The following ABCC12 variants were observed in gnomAD, a reference collection of about 807,000 sequenced individuals.
ABCC12 encodes ATP binding cassette subfamily C member 12, also known as ATP-binding cassette sub-family C member 12.
In ABCC12, 142 loss-of-function variants were observed where a neutral mutation model predicts 151.1. The observed-to-expected ratio is 0.94, with a 90% CI of 0.82 to 1.08. The LOEUF is 1.08. ABCC12 is among the 50% of genes least tolerant of loss of function. ABCC12 has a pLI of 0.00. For missense variants in ABCC12, 1,638 were observed against 1,691.1 expected, an observed-to-expected ratio of 0.97 and a Z score of 0.55; for synonymous variants, 645 against 646.4, an observed-to-expected ratio of 1.00 and a Z score of 0.03.
intron 23 of ABCC12, among the ~76,000 whole-genome samples, chr16:48,099,483 T>G (rs760124675): frequency 6.6e-6 from 1 of 152,214 alleles, no homozygotes; most frequent in Admixed American, 6.5e-5. Flanking sequence ...CATCTAATTC[T>G]TTCTCTCTGA....
rs563012851 is a variant in ABCC12 at position 48,092,248 on chromosome 16, C to A, written c.3196-1039G>T. ...CACAAACAAACATAGGCGGTGAACC[C>A]AGATTGTACCAGGAGGGGATGGAGG... is the stretch of plus-strand genomic sequence containing the variant. On this transcript the variant is annotated intron_variant, in intron 24 of 30. Transcript: ENST00000311303. Among the ~76,000 whole-genome samples the A allele has an allele frequency of 2.0e-5, 3 of 152,332 alleles. No homozygotes were observed. The East Asian group carries it at 5.8e-4, about 29-fold the overall frequency.
At chr16:48,111,282 T>C (rs1050566736) in intron 18 of ABCC12, among the ~76,000 whole-genome samples, 154 bp downstream of exon 18, 6 of 152,140 alleles carry the variant, frequency 3.9e-5, no homozygotes, top group African/African-American at 1.4e-4. Flanking sequence ...AATTTGGACT[T>C]AGGCAGTGGA....
Position 48,082,288 on chromosome 16 carries a change from C to G in ABCC12, c.*1427G>C, listed in dbSNP as rs1962373532. ...GCCAGGTTATAAGCTCTACCTAAGG[C>G]CAGGTGTGCTCACCTCCCCGCTGGT... is the stretch of plus-strand genomic sequence containing the variant. On this transcript the variant is annotated 3_prime_UTR_variant, in exon 31 of 31. Transcript: ENST00000311303. Among the ~76,000 whole-genome samples the G allele has an allele frequency of 6.6e-6, 1 of 152,220 alleles. No individual in the cohort carries two copies. Among genetic ancestry groups the G allele is most frequent in the Non-Finnish European group, 1.5e-5 (1 of 68,042 alleles).
At chr16:48,146,225 G>T in intron 3 of ABCC12, 81 bp downstream of exon 3, 3 of 1,233,044 alleles carry the variant, frequency 2.4e-6, no homozygotes, top group African/African-American at 1.5e-5. Flanking sequence ...CAGATGGGTT[G>T]CAGGAGCAGT....
intron 20 of ABCC12, 86 bp downstream of exon 20, chr16:48,107,236 G>A (rs898690948): frequency 1.3e-5 from 17 of 1,289,778 alleles, no homozygotes; most frequent in Non-Finnish European, 1.9e-5. Flanking sequence ...TCATGGCATG[G>A]TGGCAGGGGC....
rs78634100 is a variant in ABCC12, at chr16:48,081,326, G to A, written c.*2389C>T. On this transcript the variant is annotated 3_prime_UTR_variant, in exon 31 of 31. Transcript: ENST00000311303. ...ACATGGCAGTGATAGCAAGGGGTTG[G>A]GGTGGGAGAGGGGTTTGCTAAGATG... is the stretch of plus-strand genomic sequence containing the variant. Among the ~76,000 whole-genome samples, 1,252 of 152,286 alleles carry A rather than the reference G, an allele frequency of 8.2e-3. 18 individuals are homozygous for A. Among genetic ancestry groups the A allele is most frequent in the African/African-American group, 0.029 (1,210 of 41,548 alleles).
chr16:48,086,712 ACTC>A (rs1245833135), intron 28 of ABCC12, 26 bp downstream of exon 28: 1 of 1,589,694 alleles, frequency 6.3e-7, no homozygotes, highest in Non-Finnish European at 8.6e-7. Flanking sequence ...TGGGAAACAA[ACTC>A]CTCCTCAACA....
intron 2 of ABCC12, among the ~76,000 whole-genome samples, chr16:48,152,012 GTCATGGGGCTCTAT>G (rs1965123229): frequency 2.6e-5 from 4 of 152,212 alleles, no homozygotes; most frequent in African/African-American, 9.6e-5. Context: ...GTGTGCCCGT[GTCATGGGGCTCTAT>G]GCACCAGACT....
At chr16:48,150,833 G>A (rs943007048) in intron 2 of ABCC12, among the ~76,000 whole-genome samples, 4 of 152,086 alleles carry the variant, frequency 2.6e-5, no homozygotes, top group African/African-American at 4.8e-5. Flanking sequence ...TCTATTTTAA[G>A]CTAACAGTGA....
At chr16:48,145,593 G>A (rs1253366216) in intron 3 of ABCC12, among the ~76,000 whole-genome samples, 1 of 152,202 alleles carries the variant, frequency 6.6e-6, no homozygotes, top group African/African-American at 2.4e-5. Flanking sequence ...TGAAAAAAGT[G>A]GTGTGCCAGT....
intron 20 of ABCC12, among the ~76,000 whole-genome samples, chr16:48,106,390 G>A (rs957701497): frequency 1.3e-5 from 2 of 152,126 alleles, no homozygotes; most frequent in Non-Finnish European, 2.9e-5. Flanking sequence ...GGGGCACCAG[G>A]GGCAAACACA....
intron 28 of ABCC12, chr16:48,086,511 A>G: frequency 2.0e-6 from 1 of 495,828 alleles, no homozygotes; most frequent in Non-Finnish European, 3.7e-6. Context: ...TGTAGTAAGG[A>G]CCAAGTGAGA....
At chr16:48,096,391 A>C (rs542879193) in intron 24 of ABCC12, among the ~76,000 whole-genome samples, 1 of 152,306 alleles carries the variant, frequency 6.6e-6, no homozygotes, top group African/African-American at 2.4e-5. Flanking sequence ...TTTTGCCTCC[A>C]TGGCTGGGGC....
intron 8 of ABCC12, among the ~76,000 whole-genome samples, chr16:48,136,663 G>T (rs1390922352): frequency 6.6e-6 from 1 of 152,206 alleles, no homozygotes; most frequent in Non-Finnish European, 1.5e-5. Context: ...GAGAGGTAGG[G>T]CATGGACATG....
At chr16:48,115,724 C>G in intron 14 of ABCC12, 106 bp from the exon 15 acceptor site, 2 of 1,178,148 alleles carry the variant, frequency 1.7e-6, no homozygotes, top group South Asian at 3.1e-5. Flanking sequence ...GACGTACACA[C>G]TGATCCTCGC....
At chr16:48,093,591 C>T (rs1194708767) in intron 24 of ABCC12, among the ~76,000 whole-genome samples, 4 of 152,202 alleles carry the variant, frequency 2.6e-5, no homozygotes, top group Non-Finnish European at 4.4e-5. Context: ...CAGCTGCCCA[C>T]TAGAATGAGG....
Position 48,086,373 on chromosome 16 carries a change from G to T in ABCC12, c.3714+368C>A, listed in dbSNP as rs146151727. On this transcript the variant is annotated intron_variant, in intron 28 of 30. Coordinates refer to ENST00000311303, the MANE Select transcript of ABCC12 (RefSeq NM_001393797.1). ...GGCAGAGTAGCAGGGCCTTCCATCT[G>T]CTCTACAGCCAGACAGGCTTGAGTT... 5.4e-3 allele frequency: 1,140 copies of T among 211,328 alleles called. 14 individuals are homozygous for T. Among genetic ancestry groups the T allele is most frequent in the African/African-American group, 0.025 (1,086 of 43,692 alleles). 13.1% of individuals were successfully genotyped at this position (211,328 alleles called of 1,614,324 possible). A position where few individuals can be genotyped will look rare whatever the true frequency, so the allele number is the denominator to read the frequency against.
rs898980136 is a variant in ABCC12 at position 48,083,118 on chromosome 16, C to G, written c.*597G>C. 2 of 152,176 alleles carry G rather than the reference C, an allele frequency of 1.3e-5. No individual in the cohort carries two copies. Among genetic ancestry groups the G allele is most frequent in the African/African-American group, 4.8e-5 (2 of 41,450 alleles). 9.4% of individuals were successfully genotyped at this position (152,176 alleles called of 1,614,324 possible). A position where few individuals can be genotyped will look rare whatever the true frequency, so the allele number is the denominator to read the frequency against. On this transcript the variant is annotated 3_prime_UTR_variant, in exon 31 of 31. Transcript: ENST00000311303. ...TAAAAGTGTCATTTATAGAGAAACT[C>G]CAGCATTTTGTTTTCTTGGTTATTC...
chr16:48,097,817 C>T (rs1379891597), intron 23 of ABCC12, among the ~76,000 whole-genome samples: 1 of 152,134 alleles, frequency 6.6e-6, no homozygotes, highest in Admixed American at 6.5e-5. Context: ...CAACTCCTAC[C>T]GATGCAGCAA....
Sources: allele counts gnomAD v4.1 joint callset (sites outside exome capture counted in the v4.1 genomes callset), GRCh38; gene constraint gnomAD v4.1.1; transcripts MANE v1.5; gene names NCBI Gene and HGNC (gene_info 2026-07-23, HGNC 2026-07-21).